Variants in TENM2 observed in about 807,000 individuals in gnomAD.
The protein encoded by TENM2 is teneurin transmembrane protein 2, also known as teneurin-2.
In TENM2, 52 loss-of-function variants were observed where a neutral mutation model predicts 245.2. The ratio of observed to expected loss-of-function variants is 0.21; its 90% confidence interval spans 0.17 to 0.27. The LOEUF is 0.27. Among genes scored for constraint, TENM2 ranks in the 10% least tolerant of loss-of-function variants. The pLI is 1.00. For synonymous variants in TENM2, 1,363 were observed against 1,438.9 expected (o/e 0.95, Z 1.19); for missense variants, 3,046 against 3,666.8 (o/e 0.83, Z 4.37).
chr5:167,227,893 A>G, the TENM2 span, among the ~76,000 whole-genome samples: 10 of 152,286 alleles, frequency 6.6e-5, no homozygotes, highest in South Asian at 1.7e-3. Flanking sequence ...AGTAATTTGT[A>G]CACTTAGTTG....
intron 2 of TENM2, among the ~76,000 whole-genome samples, chr5:167,607,124 C>T (rs1777110895): frequency 6.6e-6 from 1 of 152,118 alleles, no homozygotes; most frequent in African/African-American, 2.4e-5. Context: ...CTAGAAAAAT[C>T]ATTCACTGCT....
the TENM2 span, among the ~76,000 whole-genome samples, chr5:167,142,714 C>T: frequency 3.3e-5 from 5 of 152,030 alleles, no homozygotes; most frequent in Non-Finnish European, 7.4e-5. Flanking sequence ...CTATGCCCAG[C>T]TAATTTTTTG....
chr5:167,226,273 T>C, the TENM2 span, among the ~76,000 whole-genome samples: 1 of 151,950 alleles, frequency 6.6e-6, no homozygotes, highest in Non-Finnish European at 1.5e-5. Context: ...TCCCTACTTT[T>C]TTGATGTAGG....
At chr5:167,412,052 C>T (rs1195501475) in intron 2 of TENM2, among the ~76,000 whole-genome samples, 1 of 152,006 alleles carries the variant, frequency 6.6e-6, no homozygotes, top group Non-Finnish European at 1.5e-5. Context: ...ATCTAGCTAT[C>T]AAATTGGGTA....
chr5:167,705,500 A>G (rs1403214396), intron 2 of TENM2, among the ~76,000 whole-genome samples: 2 of 152,096 alleles, frequency 1.3e-5, no homozygotes, highest in African/African-American at 4.8e-5. Flanking sequence ...CTCCTTACCA[A>G]TTGTCTACCT....
chr5:167,389,031 T>C (rs548476103), intron 2 of TENM2, among the ~76,000 whole-genome samples: 8 of 152,144 alleles, frequency 5.3e-5, no homozygotes, highest in Middle Eastern at 3.4e-3. Flanking sequence ...CTCAGCCCAT[T>C]TGGACTCTCA....
At chr5:168,001,347 T>C (rs1012252750) in intron 5 of TENM2, among the ~76,000 whole-genome samples, 1 of 152,230 alleles carries the variant, frequency 6.6e-6, no homozygotes, top group African/African-American at 2.4e-5. Flanking sequence ...GAAGTGTTTG[T>C]ATCTGGCATA....
intron 2 of TENM2, among the ~76,000 whole-genome samples, chr5:167,400,656 C>T (rs75412039): frequency 0.019 from 2,822 of 151,946 alleles, 87 homozygotes; most frequent in African/African-American, 0.064. Flanking sequence ...ATAAAGGTAC[C>T]AGGGCCAAGG....
At chr5:167,325,775 G>A (rs887913747) in intron 1 of TENM2, among the ~76,000 whole-genome samples, 6 of 152,060 alleles carry the variant, frequency 3.9e-5, no homozygotes, top group African/African-American at 1.2e-4. Flanking sequence ...TATTCCAGAC[G>A]TTGTTCTGGC....
chr5:166,999,195 G>T, the TENM2 span, among the ~76,000 whole-genome samples: 4 of 152,122 alleles, frequency 2.6e-5, no homozygotes, highest in African/African-American at 7.2e-5. Context: ...ATGAATTCAG[G>T]TGAAAGTGGT....
intron 2 of TENM2, among the ~76,000 whole-genome samples, chr5:167,453,270 A>G (rs1034238847): frequency 7.2e-5 from 11 of 152,088 alleles, no homozygotes; most frequent in African/African-American, 2.4e-4. Context: ...TAGAGACTCA[A>G]AAATTCTCTT....
intron 1 of TENM2, among the ~76,000 whole-genome samples, chr5:167,288,323 G>T (rs937989528): frequency 6.6e-6 from 1 of 152,136 alleles, no homozygotes; most frequent in Non-Finnish European, 1.5e-5. Context: ...ACTTTGGGAG[G>T]CCGAGGTGGG....
intron 2 of TENM2, among the ~76,000 whole-genome samples, chr5:167,462,815 G>A (rs1766403601): frequency 6.6e-6 from 1 of 151,960 alleles, no homozygotes; most frequent in African/African-American, 2.4e-5. Flanking sequence ...CACAAAAACA[G>A]GAAGGCCTGT....
intron 3 of TENM2, among the ~76,000 whole-genome samples, chr5:167,950,944 G>T (rs1458256407): frequency 6.6e-6 from 1 of 152,134 alleles, no homozygotes; most frequent in East Asian, 1.9e-4. Flanking sequence ...TTCCCACTGG[G>T]TTTTTGTTGT....
At position 168,087,867 on chromosome 5, in the gene TENM2, A is replaced by G. The variant is rs559860030; in HGVS notation, c.1516-2707A>G. 9.1e-4 allele frequency among the ~76,000 whole-genome samples: 139 copies of G among 152,160 alleles called. 1 individual carries two copies. The highest frequency in any genetic ancestry group is 1.9e-3 in the Non-Finnish European group (128 of 68,034). ...ACAGGATTGAGACACATCAGACACC[A>G]TATCATATCAGAGTCAAGATCTTCT... is the stretch of plus-strand genomic sequence containing the variant. On this transcript the variant is annotated intron_variant, in intron 7 of 28. Transcript: ENST00000518659.
chr5:167,431,974 T>TACACACATATATATAC (rs1764281934), intron 2 of TENM2, among the ~76,000 whole-genome samples: 2 of 143,264 alleles, frequency 1.4e-5, no homozygotes, highest in Non-Finnish European at 3.0e-5. Flanking sequence ...TATATATATA[T>TACACACATATATATAC]ATATGGAAGT....
At chr5:167,019,660 G>A in the TENM2 span, among the ~76,000 whole-genome samples, 6 of 151,844 alleles carry the variant, frequency 4.0e-5, no homozygotes, top group African/African-American at 1.5e-4. Flanking sequence ...AGTAGAGATG[G>A]GGTCTCACCA....
chr5:167,195,023 C>T, the TENM2 span, among the ~76,000 whole-genome samples: 1 of 151,896 alleles, frequency 6.6e-6, no homozygotes, highest in Non-Finnish European at 1.5e-5. Context: ...CTAGCTAGTC[C>T]GTGTGGGTTT....
intron 5 of TENM2, among the ~76,000 whole-genome samples, chr5:167,994,224 T>TAAAGCACCAGCTCA (rs1580997154): frequency 6.6e-6 from 1 of 152,220 alleles, no homozygotes; most frequent in Non-Finnish European, 1.5e-5. Flanking sequence ...AGCAAACCCA[T>TAAAGCACCAGCTCA]AAAGCACCAG....
Sources: allele counts gnomAD v4.1 joint callset (sites outside exome capture counted in the v4.1 genomes callset), GRCh38; gene constraint gnomAD v4.1.1; transcripts MANE v1.5; gene names NCBI Gene and HGNC (gene_info 2026-07-23, HGNC 2026-07-21).